HIP1: variants seen among roughly 807,000 people sequenced by gnomAD.
The protein encoded by HIP1 is huntingtin interacting protein 1, also known as huntingtin-interacting protein 1.
A neutral mutation model predicts 147.6 loss-of-function variants in HIP1; 65 were observed. The observed-to-expected ratio is 0.44, with a 90% CI of 0.36 to 0.54. The LOEUF (loss-of-function observed/expected upper bound fraction) is 0.54, where lower values mean the gene tolerates loss of function less well. HIP1 is among the 20% of genes least tolerant of loss of function. HIP1 has a pLI of 0.00. For missense variants in HIP1, 1,061 were observed against 1,299.6 expected (o/e 0.82, Z 2.82); for synonymous variants, 479 against 504.0 (o/e 0.95, Z 0.67).
At chr7:75,664,532 A>G (rs963069210) in intron 1 of HIP1, among the ~76,000 whole-genome samples, 2 of 150,844 alleles carry the variant, frequency 1.3e-5, no homozygotes, top group Admixed American at 6.6e-5. Context: ...GTATACATAC[A>G]TATATACACA....
chr7:75,655,395 A>G (rs373431523), intron 1 of HIP1, among the ~76,000 whole-genome samples: 2 of 151,890 alleles, frequency 1.3e-5, no homozygotes, highest in African/African-American at 2.4e-5. Flanking sequence ...CCTGGCCAAC[A>G]TGGTAAAATC....
chr7:75,686,878 G>A (rs1215229878), intron 1 of HIP1, among the ~76,000 whole-genome samples: 5 of 137,274 alleles, frequency 3.6e-5, no homozygotes, highest in African/African-American at 1.4e-4. Flanking sequence ...TAGGTACAGG[G>A]TCTTGTATGT....
chr7:75,659,919 A>C (rs1330142779), intron 1 of HIP1, among the ~76,000 whole-genome samples: 2 of 151,242 alleles, frequency 1.3e-5, no homozygotes, highest in African/African-American at 2.4e-5. Context: ...CGAGGTCAAG[A>C]GATCGAGACC....
intron 1 of HIP1, among the ~76,000 whole-genome samples, chr7:75,681,657 C>T (rs1311015504): frequency 2.6e-5 from 4 of 151,980 alleles, no homozygotes; most frequent in Non-Finnish European, 4.4e-5. Flanking sequence ...TGGGTGCATA[C>T]CACCACGCAT....
chr7:75,549,439 C>T (rs587695785), intron 22 of HIP1, among the ~76,000 whole-genome samples: 81 of 148,352 alleles, frequency 5.5e-4, no homozygotes, highest in Admixed American at 8.1e-4. Flanking sequence ...GGCACAATCT[C>T]GGCTCACTGC....
At chr7:75,655,351 G>A (rs1799113597) in intron 1 of HIP1, among the ~76,000 whole-genome samples, 1 of 152,026 alleles carries the variant, frequency 6.6e-6, no homozygotes, top group African/African-American at 2.4e-5. Flanking sequence ...GCCCCAGGTG[G>A]GTGGATCACT....
intron 4 of HIP1, among the ~76,000 whole-genome samples, chr7:75,587,276 T>TTCACCA (rs1554499792): frequency 6.6e-6 from 1 of 152,090 alleles, no homozygotes; most frequent in African/African-American, 2.4e-5. Flanking sequence ...GAGATGGGGT[T>TTCACCA]TCACCATATT....
chr7:75,537,761 A>G lies in HIP1; in HGVS notation c.*411T>C, dbSNP rs1035536694. The G allele has an allele frequency of 7.5e-6, 2 of 267,858 alleles. No homozygotes were observed. The highest frequency in any genetic ancestry group is 5.6e-5 in the East Asian group (1 of 17,830). The allele number at this position is 267,858 out of a possible 1,614,324, so 16.6% of individuals were successfully genotyped here. On this transcript the variant is annotated 3_prime_UTR_variant, in exon 31 of 31. Coordinates refer to ENST00000336926, the MANE Select transcript of HIP1 (RefSeq NM_005338.7). The stretch of plus-strand genomic sequence containing the variant: ...GAGAAGAAAACAGAAAAGAAAAGGC[A>G]TAAGATCTTCCCTTTCCAAGCTGTC...
chr7:75,644,099 T>C (rs1798730431), intron 1 of HIP1, among the ~76,000 whole-genome samples: 1 of 152,128 alleles, frequency 6.6e-6, no homozygotes, highest in Admixed American at 6.6e-5. Flanking sequence ...CTCCATTTCT[T>C]TCTAGATATG....
At chr7:75,633,438 G>A (rs181876489) in intron 1 of HIP1, among the ~76,000 whole-genome samples, 7 of 152,156 alleles carry the variant, frequency 4.6e-5, no homozygotes, top group African/African-American at 1.7e-4. Context: ...GATTACAGGC[G>A]TGTGCTGCCT....
intron 1 of HIP1, among the ~76,000 whole-genome samples, chr7:75,602,364 G>A (rs587710672): frequency 8.4e-6 from 1 of 119,620 alleles, no homozygotes; most frequent in Admixed American, 1.1e-4. Flanking sequence ...GTCTTGCTAT[G>A]TTGCCCAGGC....
At chr7:75,580,529 G>A (rs1795997992) in intron 7 of HIP1, among the ~76,000 whole-genome samples, 1 of 152,088 alleles carries the variant, frequency 6.6e-6, no homozygotes, top group South Asian at 2.1e-4. Context: ...CTTGAGGCTG[G>A]TAGTTCAAGA....
chr7:75,541,410 G>T (rs1173815689), intron 29 of HIP1, among the ~76,000 whole-genome samples: 2 of 151,622 alleles, frequency 1.3e-5, no homozygotes, highest in African/African-American at 4.8e-5. Context: ...GGCGCCTGTA[G>T]TTCCAGCTAC....
rs782051395 is a variant in HIP1, at chr7:75,537,574, C to A, written c.*598G>T. 47 of 232,760 alleles carry A rather than the reference C, an allele frequency of 2.0e-4. No individual in the cohort carries two copies. Among genetic ancestry groups the A allele is most frequent in the Non-Finnish European group, 3.1e-4 (36 of 117,936 alleles). The allele number at this position is 232,760 out of a possible 1,614,324, so 14.4% of individuals were successfully genotyped here. A position where few individuals can be genotyped will look rare whatever the true frequency, so the allele number is the denominator to read the frequency against. Reference sequence around the variant, plus strand: ...AACCACCATAAGAAGCAGTGGAAATCCATGGCACTGCCCAAAGAGGGGGAG... The same window carrying A: ...AACCACCATAAGAAGCAGTGGAAATACATGGCACTGCCCAAAGAGGGGGAG... On this transcript the variant is annotated 3_prime_UTR_variant, in exon 31 of 31. Coordinates refer to ENST00000336926, the MANE Select transcript of HIP1 (RefSeq NM_005338.7).
chr7:75,659,247 A>G (rs1270953442), intron 1 of HIP1, among the ~76,000 whole-genome samples: 1 of 152,186 alleles, frequency 6.6e-6, no homozygotes. Context: ...GCTGGTGCCT[A>G]TAAGACTCCC....
chr7:75,609,707 G>A (rs933360301), intron 1 of HIP1, among the ~76,000 whole-genome samples: 16 of 151,526 alleles, frequency 1.1e-4, no homozygotes, highest in African/African-American at 3.4e-4. Flanking sequence ...ACAGGTGTGC[G>A]CCACCATGCC....
intron 25 of HIP1, among the ~76,000 whole-genome samples, chr7:75,545,926 C>T (rs587649388): frequency 3.9e-5 from 6 of 152,056 alleles, no homozygotes; most frequent in Non-Finnish European, 7.4e-5. Flanking sequence ...GGCGACAGAG[C>T]GAGACTCAGT....
At chr7:75,667,000 G>A (rs1375767487) in intron 1 of HIP1, among the ~76,000 whole-genome samples, 1 of 152,046 alleles carries the variant, frequency 6.6e-6, no homozygotes, top group African/African-American at 2.4e-5. Context: ...GTATATATGT[G>A]TATATATATT....
rs1795282086 is a variant in HIP1, at chr7:75,562,974, T to A, written c.981A>T (p.Leu327=). Residue 327 remains leucine, a synonymous_variant, in exon 11 of 31, where the codon CTA becomes CTT. Transcript: ENST00000336926. ...CCATGTCCATGAGGTCATCCTTCTC[T>A]AGGACTGGCTCGCTGTCGGGGGATG... ...EASSPDSEPV[L]EKDDLMDMDA... is the part of the protein sequence containing the mutation. 6.2e-7 allele frequency: 1 copy of A among 1,613,952 alleles called. No homozygotes were observed. The highest frequency in any genetic ancestry group is 1.7e-5 in the Admixed American group (1 of 59,996).
Sources: gnomAD v4.1 joint callset for allele counts (sites outside exome capture counted in the v4.1 genomes callset) on GRCh38, gnomAD v4.1.1 for gene constraint, MANE v1.5 for transcripts, NCBI Gene and HGNC (gene_info 2026-07-23, HGNC 2026-07-21) for gene names.